BCKDHB: variants seen among roughly 807,000 people sequenced by gnomAD.
The protein encoded by BCKDHB is 2-oxoisovalerate dehydrogenase subunit beta, mitochondrial.
A neutral mutation model predicts 48.5 loss-of-function variants in BCKDHB; 41 were observed. That is an observed-to-expected ratio of 0.85 (90% CI 0.66 to 1.10). The LOEUF (loss-of-function observed/expected upper bound fraction) is 1.10, where lower values mean the gene tolerates loss of function less well. Among genes scored for constraint, BCKDHB ranks in the 50% least tolerant of loss-of-function variants. BCKDHB has a pLI of 0.00. For synonymous variants in BCKDHB, 201 were observed against 174.8 expected, an observed-to-expected ratio of 1.15 and a Z score of -1.18; for missense variants, 496 against 494.2, an observed-to-expected ratio of 1.00 and a Z score of -0.03.
chr6:80,323,585 C>T (rs1335831816), intron 9 of BCKDHB, among the ~76,000 whole-genome samples: 1 of 152,104 alleles, frequency 6.6e-6, no homozygotes, highest in Non-Finnish European at 1.5e-5. Flanking sequence ...GTTTTTCATA[C>T]AGTGATTTCT....
At chr6:80,314,764 A>G (rs890341876) in intron 9 of BCKDHB, among the ~76,000 whole-genome samples, 4 of 152,104 alleles carry the variant, frequency 2.6e-5, no homozygotes, top group African/African-American at 9.7e-5. Flanking sequence ...GAGAGACCAG[A>G]CCTCTGTCCA....
intron 9 of BCKDHB, among the ~76,000 whole-genome samples, chr6:80,334,711 T>C (rs1158211791): frequency 6.6e-6 from 1 of 151,846 alleles, no homozygotes; most frequent in Non-Finnish European, 1.5e-5. Flanking sequence ...TAAAAATAGA[T>C]TCCCCCCTCC....
intron 8 of BCKDHB, among the ~76,000 whole-genome samples, chr6:80,224,358 A>G (rs1342108730): frequency 1.3e-5 from 2 of 152,114 alleles, no homozygotes; most frequent in Non-Finnish European, 2.9e-5. Context: ...ACATATGTCT[A>G]CAAGCATTTC....
chr6:80,314,046 A>T (rs1268151364), intron 9 of BCKDHB, among the ~76,000 whole-genome samples: 1 of 152,118 alleles, frequency 6.6e-6, no homozygotes, highest in Non-Finnish European at 1.5e-5. Context: ...CATTCAGAGC[A>T]GGTTGTTCAA....
chr6:80,355,039 A>G, the BCKDHB span, among the ~76,000 whole-genome samples: 1 of 152,134 alleles, frequency 6.6e-6, no homozygotes, highest in Admixed American at 6.5e-5. Flanking sequence ...TCCGTGAAAA[A>G]TGATGTTGGT....
intron 8 of BCKDHB, among the ~76,000 whole-genome samples, chr6:80,225,369 G>A (rs1386848597): frequency 6.6e-6 from 1 of 152,144 alleles, no homozygotes; most frequent in Admixed American, 6.6e-5. Flanking sequence ...TTAAGCAGAT[G>A]CACATATGTT....
chr6:80,148,303 A>G (rs1449091261), intron 3 of BCKDHB, among the ~76,000 whole-genome samples: 1 of 152,052 alleles, frequency 6.6e-6, no homozygotes, highest in African/African-American at 2.4e-5. Flanking sequence ...ACTTTATTTC[A>G]AGTGAAAGTC....
intron 8 of BCKDHB, among the ~76,000 whole-genome samples, chr6:80,207,619 G>A (rs1774728590): frequency 6.6e-6 from 1 of 151,680 alleles, no homozygotes. Context: ...CCACCACCAT[G>A]TGTAGCTTAA....
chr6:80,124,968 A>G (rs368645461), intron 1 of BCKDHB, among the ~76,000 whole-genome samples: 3 of 152,322 alleles, frequency 2.0e-5, no homozygotes, highest in East Asian at 3.9e-4. Context: ...TTAGCCCCTT[A>G]CAAAAGAGTC....
At chr6:80,228,053 G>C (rs916729141) in intron 8 of BCKDHB, among the ~76,000 whole-genome samples, 8 of 152,138 alleles carry the variant, frequency 5.3e-5, no homozygotes, top group African/African-American at 1.9e-4. Context: ...AATAAATAAA[G>C]TATGTAAGAC....
At chr6:80,109,347 C>G (rs191454604) in intron 1 of BCKDHB, among the ~76,000 whole-genome samples, 2 of 152,226 alleles carry the variant, frequency 1.3e-5, no homozygotes, top group East Asian at 3.9e-4. Flanking sequence ...TAAATAATTA[C>G]CATTATGTTT....
chr6:80,372,895 T>C, the BCKDHB span, among the ~76,000 whole-genome samples: 1 of 152,174 alleles, frequency 6.6e-6, no homozygotes, highest in African/African-American at 2.4e-5. Flanking sequence ...ATCAGGGATC[T>C]TGGTCTGTAT....
intron 1 of BCKDHB, among the ~76,000 whole-genome samples, chr6:80,112,833 G>C (rs1769483843): frequency 6.6e-6 from 1 of 152,176 alleles, no homozygotes; most frequent in Non-Finnish European, 1.5e-5. Flanking sequence ...GTGCTGCTTT[G>C]TATGTTTTCC....
In BCKDHB at chr6:80,345,917, T is replaced by C. The variant is rs187893686; in HGVS notation, c.*2113T>C. 66 of 152,344 alleles carry C rather than the reference T, an allele frequency of 4.3e-4. No homozygotes were observed. Among genetic ancestry groups the C allele is most frequent in the African/African-American group, 1.5e-3 (62 of 41,570 alleles). The allele number at this position is 152,344 out of a possible 1,614,324, so 9.4% of individuals were successfully genotyped here. A position where few individuals can be genotyped will look rare whatever the true frequency, so the allele number is the denominator to read the frequency against. ...ACTCCAATATGCTAAAAGTTAAATATGGTATTTAAGAAAATAGTCATGTAT... is the reference window on the plus strand; with the variant it reads ...ACTCCAATATGCTAAAAGTTAAATACGGTATTTAAGAAAATAGTCATGTAT... On this transcript the variant is annotated 3_prime_UTR_variant, in exon 10 of 10. Coordinates refer to ENST00000320393, the MANE Select transcript of BCKDHB (RefSeq NM_183050.4).
chr6:80,266,546 A>C (rs2127956531), intron 8 of BCKDHB, among the ~76,000 whole-genome samples: 1 of 152,220 alleles, frequency 6.6e-6, no homozygotes, highest in South Asian at 2.1e-4. Context: ...TGTGTTCAGT[A>C]CTAACTCAGT....
chr6:80,352,152 T>TTGTTG, the BCKDHB span, among the ~76,000 whole-genome samples: 3 of 40,020 alleles, frequency 7.5e-5, no homozygotes, highest in African/African-American at 2.0e-4. Context: ...GTTGTTGTTG[T>TTGTTG]TTTTTTTTTG....
At chr6:80,319,556 C>A (rs2128000876) in intron 9 of BCKDHB, among the ~76,000 whole-genome samples, 1 of 152,278 alleles carries the variant, frequency 6.6e-6, no homozygotes, top group East Asian at 1.9e-4. Flanking sequence ...GGAGTTGCCT[C>A]TAATGCCTAA....
chr6:80,240,788 T>C (rs533550307), intron 8 of BCKDHB, among the ~76,000 whole-genome samples: 11 of 152,278 alleles, frequency 7.2e-5, no homozygotes, highest in African/African-American at 2.6e-4. Flanking sequence ...TTTAGTATGA[T>C]ATTGGCCTGT....
intron 3 of BCKDHB, among the ~76,000 whole-genome samples, chr6:80,140,699 G>A (rs901024218): frequency 3.3e-5 from 5 of 152,000 alleles, no homozygotes; most frequent in African/African-American, 7.3e-5. Flanking sequence ...TGCTGGATTC[G>A]GTTTGTCAGT....
Sources: gnomAD v4.1 joint callset for allele counts (sites outside exome capture counted in the v4.1 genomes callset) on GRCh38, gnomAD v4.1.1 for gene constraint, MANE v1.5 for transcripts, NCBI Gene and HGNC (gene_info 2026-07-23, HGNC 2026-07-21) for gene names.